The following RASA3 variants were observed in gnomAD, a reference collection of about 807,000 sequenced individuals.
The protein encoded by RASA3 is ras GTPase-activating protein 3.
In RASA3, 73 loss-of-function variants were observed where a neutral mutation model predicts 110.0. That is an observed-to-expected ratio of 0.66 (90% CI 0.55 to 0.81). RASA3 has a LOEUF of 0.81. Among genes scored for constraint, RASA3 ranks in the 30% least tolerant of loss-of-function variants. The probability of loss-of-function intolerance (pLI) is 0.00; values close to 1 mark genes in which losing one functional copy is unlikely to be tolerated. For synonymous variants in RASA3, 500 were observed against 451.4 expected (o/e 1.11, Z -1.37); for missense variants, 976 against 1,113.2 (o/e 0.88, Z 1.75).
In RASA3 at chr13:114,114,706, G is replaced by C. The variant is rs1046861465; in HGVS notation, c.55+17729C>G. The stretch of plus-strand genomic sequence containing the variant: ...CGACCTTTGTTTATGGGTAACCCTT[G>C]ATAACATGTGGGCAGGGTTTCAGTG... On this transcript the variant is annotated intron_variant, in intron 1 of 23. Coordinates refer to ENST00000334062, the MANE Select transcript of RASA3 (RefSeq NM_007368.4). This position sits in a 1 kb window ranked among gnomAD's most constrained non-coding sequence, Gnocchi z 4.8. Among the ~76,000 whole-genome samples, 1 of 152,204 alleles carries C rather than the reference G, an allele frequency of 6.6e-6. No individual in the cohort carries two copies. Among genetic ancestry groups the C allele is most frequent in the Non-Finnish European group, 1.5e-5 (1 of 68,044 alleles).
chr13:114,052,148 A>G lies in RASA3; in HGVS notation c.181T>C (p.Tyr61His). ...ATTTCACAGTAAAAGTCTTCTCCGT[A>G]AAACGGGCTAGTGAGACAAAGAAAA... ...KIVEKSLCPF[Y>H]GEDFYCEIPR... The change falls in exon 3 of 24, where the codon TAC becomes CAC. Residue 61 changes from tyrosine (Y) to histidine (H), a missense_variant. By Grantham distance (83) the Tyr-to-His change is moderately conservative (BLOSUM62 2). Around this residue, in one of 4 missense-constraint regions of RASA3, gnomAD observed 732 missense variants for 779.7 expected, o/e 0.94. Coordinates refer to ENST00000334062, the MANE Select transcript of RASA3 (RefSeq NM_007368.4). The G allele has an allele frequency of 6.2e-7, 1 of 1,611,408 alleles. No individual in the cohort carries two copies. The highest frequency in any genetic ancestry group is 2.2e-5 in the East Asian group (1 of 44,872).
intron 1 of RASA3, among the ~76,000 whole-genome samples, chr13:114,103,361 C>T (rs978362229): frequency 6.6e-6 from 1 of 152,060 alleles, no homozygotes; most frequent in African/African-American, 2.4e-5. Flanking sequence ...AGCTCTCACC[C>T]TTGCAAAGCA....
chr13:114,093,145 A>C (rs1403389234), intron 1 of RASA3, among the ~76,000 whole-genome samples: 1 of 152,254 alleles, frequency 6.6e-6, no homozygotes, highest in Non-Finnish European at 1.5e-5. Flanking sequence ...CAAAAGATAG[A>C]AGTGGTTTAC....
At chr13:114,024,943 G>A (rs765513960) in intron 7 of RASA3, among the ~76,000 whole-genome samples, 1 of 152,238 alleles carries the variant, frequency 6.6e-6, no homozygotes, top group Non-Finnish European at 1.5e-5. Context: ...AAGGCGTGAA[G>A]GGTCGAGGCT....
chr13:114,119,638 C>G (rs2080340972), intron 1 of RASA3, among the ~76,000 whole-genome samples: 1 of 76,674 alleles, frequency 1.3e-5, no homozygotes, highest in Non-Finnish European at 2.9e-5. Context: ...CTCTCTCCAG[C>G]CAGGCGTCGA....
At chr13:114,047,530 C>T (rs2079073018) in intron 3 of RASA3, among the ~76,000 whole-genome samples, 1 of 152,252 alleles carries the variant, frequency 6.6e-6, no homozygotes, top group Non-Finnish European at 1.5e-5. Context: ...TACAGTGACC[C>T]AGCAACCTCG....
chr13:114,024,568 C>G (rs577223554), intron 7 of RASA3, among the ~76,000 whole-genome samples: 3 of 152,376 alleles, frequency 2.0e-5, no homozygotes, highest in South Asian at 4.1e-4. Flanking sequence ...GGGGCAGACC[C>G]AGGTGAGACC....
chr13:113,979,106 G>T lies in RASA3; in HGVS notation c.*241C>A. 1.8e-6 allele frequency: 1 copy of T among 540,922 alleles called. No homozygotes were observed. Among genetic ancestry groups the T allele is most frequent in the Non-Finnish European group, 3.3e-6 (1 of 299,828 alleles). The allele number at this position is 540,922 out of a possible 1,614,324, so 33.5% of individuals were successfully genotyped here. On this transcript the variant is annotated 3_prime_UTR_variant, in exon 24 of 24. Transcript: ENST00000334062. ...TGATCCCCAGATCCCCACAAACAAG[G>T]AGCAAAAAGCACAGAATCAAATGAC...
At chr13:114,101,980 C>T (rs2080065860) in intron 1 of RASA3, among the ~76,000 whole-genome samples, 1 of 152,156 alleles carries the variant, frequency 6.6e-6, no homozygotes, top group Non-Finnish European at 1.5e-5. Context: ...GTCTCAGTTT[C>T]CAAGGACCCC....
At chr13:114,000,214 G>A (rs2139159036) in intron 19 of RASA3, among the ~76,000 whole-genome samples, 1 of 151,872 alleles carries the variant, frequency 6.6e-6, no homozygotes, top group South Asian at 2.1e-4. Flanking sequence ...CTGGGCCGGA[G>A]GAGGTGCCCC....
In RASA3 at chr13:114,015,241, G is replaced by A. The variant is rs1253169534; in HGVS notation, c.1373C>T (p.Ser458Phe). 1.9e-6 allele frequency: 3 copies of A among 1,613,178 alleles called. No individual in the cohort carries two copies. Among genetic ancestry groups the A allele is most frequent in the South Asian group, 2.2e-5 (2 of 91,084 alleles). The change falls in exon 14 of 24, where the codon TCC becomes TTC. Residue 458 changes from serine (S) to phenylalanine (F), a missense_variant. Transcript: ENST00000334062. The part of the protein sequence containing the change: ...CPTVMCDIFF[S>F]LREAAAKRFQ... ...GCGCTTGGCCGCCGCCTCCCGGAGG[G>A]AGAAGAAGATGTCACACATGACGGT...
chr13:114,106,194 G>GTGTGTGTTTACAGA (rs1391726751), intron 1 of RASA3, among the ~76,000 whole-genome samples: 1 of 152,224 alleles, frequency 6.6e-6, no homozygotes, highest in Non-Finnish European at 1.5e-5. Context: ...AATGTTTCCT[G>GTGTGTGTTTACAGA]TGTGTGTTTA....
At chr13:114,069,515 A>G (rs1326047054) in intron 2 of RASA3, among the ~76,000 whole-genome samples, 8 of 59,348 alleles carry the variant, frequency 1.3e-4, no homozygotes, top group East Asian at 6.0e-4. Context: ...TCAGGGGGCC[A>G]GGAGACACAG....
rs1342343754 is a variant in RASA3, at chr13:113,999,496, G to A, written c.1932+89C>T. 4.8e-6 allele frequency: 5 copies of A among 1,046,604 alleles called. No individual in the cohort carries two copies. In the African/African-American group the frequency reaches 6.2e-5, roughly 13 times the overall value. 64.8% of individuals were successfully genotyped at this position (1,046,604 alleles called of 1,614,324 possible). On this transcript the variant is annotated intron_variant, in intron 20 of 23. Coordinates refer to ENST00000334062, the MANE Select transcript of RASA3 (RefSeq NM_007368.4). ...GCCTGGAGTGCAGTGGGTGGGGAAG[G>A]GTGAGCCCAGGGCCAGGTACGGGAA...
At position 114,065,919 on chromosome 13, in the gene RASA3, G is replaced by C. The variant is rs1486630506; in HGVS notation, c.173+7801C>G. Among the ~76,000 whole-genome samples the C allele has an allele frequency of 6.6e-6, 1 of 152,224 alleles. No individual in the cohort carries two copies. Among genetic ancestry groups the C allele is most frequent in the Non-Finnish European group, 1.5e-5 (1 of 68,046 alleles). On this transcript the variant is annotated intron_variant, in intron 2 of 23. Transcript: ENST00000334062. This position sits in a 1 kb window ranked among gnomAD's most constrained non-coding sequence, Gnocchi z 4.1. The stretch of plus-strand genomic sequence containing the variant: ...CAAACGGAACCCAAAGACTCAGTGA[G>C]GAAAGCAGGCGGGCTGGGCTGAGAC...
chr13:114,033,535 C>T (rs1363817458), intron 4 of RASA3, among the ~76,000 whole-genome samples: 3 of 67,144 alleles, frequency 4.5e-5, no homozygotes, highest in Non-Finnish European at 8.0e-5. Flanking sequence ...CCACGCCCCA[C>T]GGCACCCCCG....
Position 114,016,203 on chromosome 13 carries a change from G to A in RASA3, c.1275C>T (p.Asn425=), listed in dbSNP as rs1453179058. The A allele has an allele frequency of 4.4e-6, 7 of 1,587,872 alleles. No homozygotes were observed. In the Admixed American group the frequency reaches 5.0e-5, roughly 11 times the overall value. Residue 425 remains asparagine, a synonymous_variant, in exon 13 of 24, where the codon AAC becomes AAT. Coordinates refer to ENST00000334062, the MANE Select transcript of RASA3 (RefSeq NM_007368.4). The part of the protein sequence containing the change: ...VKLKDGENLE[N]NMENLRQYVD... ...GTTCATGAACAAAACCTACCATGTT[G>A]TTTTCAAGGTTTTCTCCGTCTTTCA...
chr13:114,098,980 G>GGTCAGAA (rs1418947476), intron 1 of RASA3, among the ~76,000 whole-genome samples: 5 of 132,616 alleles, frequency 3.8e-5, no homozygotes, highest in African/African-American at 8.5e-5. Flanking sequence ...CCAGACCACA[G>GGTCAGAA]CAGTCGGGGC....
At chr13:114,010,777 G>A (rs1594315773) in intron 16 of RASA3, among the ~76,000 whole-genome samples, 5 of 130,388 alleles carry the variant, frequency 3.8e-5, no homozygotes, top group African/African-American at 5.4e-5. Context: ...GGGAGGAGGG[G>A]GCCGCGTGGG....
Sources: gnomAD v4.1 joint callset for allele counts (sites outside exome capture counted in the v4.1 genomes callset) on GRCh38, gnomAD v4.1.1 for gene constraint, gnomAD v4.1.1 regional missense constraint, Gnocchi (gnomAD v3.1) non-coding constraint, MANE v1.5 for transcripts, NCBI Gene and HGNC (gene_info 2026-07-23, HGNC 2026-07-21) for gene names.